Variants in GALNT18 observed in about 807,000 individuals in gnomAD.
GALNT18 encodes polypeptide N-acetylgalactosaminyltransferase 18, also known as GalNAc-transferase 18.
GALNT18 carries 44 observed loss-of-function variants against 69.5 expected under a neutral mutation model. The ratio of observed to expected loss-of-function variants is 0.63; its 90% CI spans 0.50 to 0.81. The LOEUF is 0.81. GALNT18 is among the 40% of genes least tolerant of loss of function. GALNT18 has a pLI of 0.00. For synonymous variants in GALNT18, 364 were observed against 318.2 expected (o/e 1.14, Z -1.53); for missense variants, 715 against 810.0 (o/e 0.88, Z 1.42).
At chr11:11,346,070 C>A (rs953497365) in intron 6 of GALNT18, among the ~76,000 whole-genome samples, 4 of 152,230 alleles carry the variant, frequency 2.6e-5, no homozygotes, top group Non-Finnish European at 5.9e-5. Context: ...CCACTTACGA[C>A]CCAGCTCAAA....
chr11:11,573,820 C>T lies in GALNT18; in HGVS notation c.235+47539G>A, dbSNP rs10831642. The T allele has an allele frequency of 0.39, 60,044 of 152,184 alleles. 13,278 individuals carry two copies. Among genetic ancestry groups the T allele is most frequent in the East Asian group, 0.62 (3,201 of 5,148 alleles). 9.4% of individuals were successfully genotyped at this position (152,184 alleles called of 1,614,324 possible). A position where few individuals can be genotyped will look rare whatever the true frequency, so the allele number is the denominator to read the frequency against. ...ACGGTGACTTCCCGAGGCTGGACGG[C>T]GATCCTTCCCACTGCAGAAGGCGGG... On this transcript the variant is annotated intron_variant, in intron 1 of 10. Coordinates refer to ENST00000227756, the MANE Select transcript of GALNT18 (RefSeq NM_198516.3). This position sits in a 1 kb window ranked among gnomAD's most constrained non-coding sequence, Gnocchi z 4.6.
Position 11,383,279 on chromosome 11 carries a change from C to G in GALNT18, c.596-4015G>C, listed in dbSNP as rs754436328. Among the ~76,000 whole-genome samples, 1 of 152,232 alleles carries G rather than the reference C, an allele frequency of 6.6e-6. No individual in the cohort carries two copies. The highest frequency in any genetic ancestry group is 1.5e-5 in the Non-Finnish European group (1 of 68,044). On this transcript the variant is annotated intron_variant, in intron 3 of 10. Coordinates refer to ENST00000227756, the MANE Select transcript of GALNT18 (RefSeq NM_198516.3). This position sits in a 1 kb window ranked among gnomAD's most constrained non-coding sequence, Gnocchi z 5.2. ...GGTCAAACAGAGCCCTTCTCCCTTC[C>G]TCATCTACCCCCTTCCACTGCTTCT...
At chr11:11,343,998 T>C (rs936377332) in intron 6 of GALNT18, among the ~76,000 whole-genome samples, 2 of 152,048 alleles carry the variant, frequency 1.3e-5, no homozygotes, top group African/African-American at 4.8e-5. Flanking sequence ...CATCTCTCAT[T>C]TGGACTCTGC....
At chr11:11,334,636 G>T (rs940894028) in intron 7 of GALNT18, among the ~76,000 whole-genome samples, 2 of 152,068 alleles carry the variant, frequency 1.3e-5, no homozygotes, top group Non-Finnish European at 2.9e-5. Context: ...ATTTGAACCT[G>T]CTACAGCCTG....
At position 11,463,992 on chromosome 11, in the gene GALNT18, A is replaced by G. The variant is rs16909701; in HGVS notation, c.236-15056T>C. On this transcript the variant is annotated intron_variant, in intron 1 of 10. Coordinates refer to ENST00000227756, the MANE Select transcript of GALNT18 (RefSeq NM_198516.3). The surrounding 1 kb of genome is among the most constrained non-coding windows in gnomAD (Gnocchi z 4.2). Reference sequence around the variant, plus strand: ...CCAGTCTTGCTCTGTGAGCACCTGAAGCAGAGGAAGGAGGCAGTCCCGGCC... The same window carrying G: ...CCAGTCTTGCTCTGTGAGCACCTGAGGCAGAGGAAGGAGGCAGTCCCGGCC... Among the ~76,000 whole-genome samples, 8,513 of 152,278 alleles carry G rather than the reference A, an allele frequency of 0.056. 367 individuals are homozygous for G. Among genetic ancestry groups the G allele is most frequent in the South Asian group, 0.16 (749 of 4,820 alleles).
chr11:11,575,231 G>T (rs1479378053), intron 1 of GALNT18, among the ~76,000 whole-genome samples: 1 of 152,164 alleles, frequency 6.6e-6, no homozygotes, highest in African/African-American at 2.4e-5. Context: ...CTGGGAGGAG[G>T]ACCAAGGCAC....
rs1003357169 is a variant in GALNT18, at chr11:11,542,060, C to T, written c.235+79299G>A. 6.6e-6 allele frequency among the ~76,000 whole-genome samples: 1 copy of T among 152,130 alleles called. No individual in the cohort carries two copies. The highest frequency in any genetic ancestry group is 2.4e-5 in the African/African-American group (1 of 41,430). ...AACCACGATGTTGGATTGCTGGGAACGCAGAGGGAAACTGCCCAGTGAGGA... is the reference window on the plus strand; with the variant it reads ...AACCACGATGTTGGATTGCTGGGAATGCAGAGGGAAACTGCCCAGTGAGGA... On this transcript the variant is annotated intron_variant, in intron 1 of 10. Transcript: ENST00000227756. The surrounding 1 kb of genome is among the most constrained non-coding windows in gnomAD (Gnocchi z 4.3).
chr11:11,366,576 CTAT>C (rs1850774734), intron 6 of GALNT18, among the ~76,000 whole-genome samples: 4 of 152,182 alleles, frequency 2.6e-5, no homozygotes, highest in Non-Finnish European at 5.9e-5. Flanking sequence ...TAGGATAATA[CTAT>C]CTGGCTTGCC....
intron 9 of GALNT18, among the ~76,000 whole-genome samples, chr11:11,323,610 C>T (rs908401007): frequency 6.6e-6 from 1 of 152,200 alleles, no homozygotes; most frequent in African/African-American, 2.4e-5. Flanking sequence ...AGTGGCAGCC[C>T]TGATGATCCC....
intron 9 of GALNT18, among the ~76,000 whole-genome samples, chr11:11,297,718 A>T (rs1448341963): frequency 6.6e-6 from 1 of 152,134 alleles, no homozygotes; most frequent in Non-Finnish European, 1.5e-5. Context: ...GTGAGCTGTT[A>T]TCCTGCCTGT....
Position 11,389,288 on chromosome 11 carries a change from C to A in GALNT18, c.596-10024G>T, listed in dbSNP as rs558581075. Among the ~76,000 whole-genome samples the A allele has an allele frequency of 3.2e-4, 49 of 152,320 alleles. No homozygotes were observed. The highest frequency in any genetic ancestry group is 5.9e-4 in the Non-Finnish European group (40 of 68,022). On this transcript the variant is annotated intron_variant, in intron 3 of 10. Coordinates refer to ENST00000227756, the MANE Select transcript of GALNT18 (RefSeq NM_198516.3). This position sits in a 1 kb window ranked among gnomAD's most constrained non-coding sequence, Gnocchi z 4.3. ...GAAGGAGTCAGCTTTGTAGGCTCAA[C>A]AGAAGCTCTTCCCCTGGGACCATAA...
At position 11,403,727 on chromosome 11, in the gene GALNT18, C is replaced by A. The variant is rs116009748; in HGVS notation, c.596-24463G>T. Among the ~76,000 whole-genome samples, 1,153 of 152,280 alleles carry A rather than the reference C, an allele frequency of 7.6e-3. 15 individuals carry two copies. The highest frequency in any genetic ancestry group is 0.027 in the African/African-American group (1,103 of 41,574). On this transcript the variant is annotated intron_variant, in intron 3 of 10. Transcript: ENST00000227756. ...GGACAGGTTGCTTGGTAGACAGTAGCCTTGCCTCACCCTCAACTGTGCTGT... is the reference window on the plus strand; with the variant it reads ...GGACAGGTTGCTTGGTAGACAGTAGACTTGCCTCACCCTCAACTGTGCTGT...
Position 11,582,389 on chromosome 11 carries a change from G to A in GALNT18, c.235+38970C>T, listed in dbSNP as rs1035770270. 3.3e-5 allele frequency among the ~76,000 whole-genome samples: 5 copies of A among 152,238 alleles called. No individual in the cohort carries two copies. The highest frequency in any genetic ancestry group is 1.2e-4 in the African/African-American group (5 of 41,458). Reference sequence around the variant, plus strand: ...GCTATGCATGCCTGTCCGTTGCCCCGTGGCTTGCAGTGCTATCCAGTGGGG... The same window carrying A: ...GCTATGCATGCCTGTCCGTTGCCCCATGGCTTGCAGTGCTATCCAGTGGGG... On this transcript the variant is annotated intron_variant, in intron 1 of 10. Transcript: ENST00000227756. This position sits in a 1 kb window ranked among gnomAD's most constrained non-coding sequence, Gnocchi z 5.0.
At chr11:11,553,805 G>A (rs1274531865) in intron 1 of GALNT18, among the ~76,000 whole-genome samples, 1 of 152,082 alleles carries the variant, frequency 6.6e-6, no homozygotes, top group Non-Finnish European at 1.5e-5. Flanking sequence ...GCCCGCAGCT[G>A]GGTGCCAAGG....
chr11:11,502,484 G>A (rs974017315), intron 1 of GALNT18, among the ~76,000 whole-genome samples: 2 of 152,232 alleles, frequency 1.3e-5, no homozygotes, highest in Non-Finnish European at 2.9e-5. Context: ...GGTAGAGAGA[G>A]CCAGGAAGCA....
At chr11:11,275,614 A>C (rs1024013905) in intron 10 of GALNT18, among the ~76,000 whole-genome samples, 2 of 152,202 alleles carry the variant, frequency 1.3e-5, no homozygotes, top group African/African-American at 4.8e-5. Context: ...GCCCATGCCG[A>C]TGTCCCGAAT....
At position 11,602,510 on chromosome 11, in the gene GALNT18, T is replaced by G. The variant is rs1235891033; in HGVS notation, c.235+18849A>C. ...GTCCAGAGGAGAGCTTCTGTTTTAT[T>G]GAGCTGGAATTGGGGGAGGAAGGGC... On this transcript the variant is annotated intron_variant, in intron 1 of 10. Transcript: ENST00000227756. The surrounding 1 kb of genome is among the most constrained non-coding windows in gnomAD (Gnocchi z 4.7). 1.3e-5 allele frequency among the ~76,000 whole-genome samples: 2 copies of G among 152,226 alleles called. No homozygotes were observed. The highest frequency in any genetic ancestry group is 2.4e-5 in the African/African-American group (1 of 41,464).
At chr11:11,352,342 T>C in intron 6 of GALNT18, 11 of 1,614,146 alleles carry the variant, frequency 6.8e-6, no homozygotes, top group Non-Finnish European at 9.3e-6. Context: ...ATGTTGTATT[T>C]GTCAATATAG....
rs1346230271 is a variant in GALNT18 at position 11,341,959 on chromosome 11, A to C, written c.1093-955T>G. On this transcript the variant is annotated intron_variant, in intron 6 of 10. Transcript: ENST00000227756. The surrounding 1 kb of genome is among the most constrained non-coding windows in gnomAD (Gnocchi z 6.3). Reference sequence around the variant, plus strand: ...CAACATAGTGAGATCCTGTCTCTAAAACATTAAAATTTTTTTTTTTTTAAA... The same window carrying C: ...CAACATAGTGAGATCCTGTCTCTAACACATTAAAATTTTTTTTTTTTTAAA... Among the ~76,000 whole-genome samples the C allele has an allele frequency of 7.0e-6, 1 of 142,342 alleles. No homozygotes were observed. Among genetic ancestry groups the C allele is most frequent in the Non-Finnish European group, 1.5e-5 (1 of 65,036 alleles). 93.4% of individuals were successfully genotyped at this position (142,342 alleles called of 152,430 possible).
Sources: gnomAD v4.1 joint callset for allele counts (sites outside exome capture counted in the v4.1 genomes callset) on GRCh38, gnomAD v4.1.1 for gene constraint, Gnocchi (gnomAD v3.1) non-coding constraint, MANE v1.5 for transcripts, NCBI Gene and HGNC (gene_info 2026-07-23, HGNC 2026-07-21) for gene names.